LRRC3B: variants seen among roughly 807,000 people sequenced by gnomAD.
LRRC3B encodes leucine-rich repeat-containing protein 3B.
A neutral mutation model predicts 12.8 loss-of-function variants in LRRC3B; 2 were observed. The ratio of observed to expected loss-of-function variants is 0.16; its 90% confidence interval spans 0.06 to 0.49. The LOEUF is 0.49. LRRC3B is among the 20% of genes least tolerant of loss of function. The pLI is 0.96. For synonymous variants in LRRC3B, 132 were observed against 122.0 expected (o/e 1.08, Z -0.54); for missense variants, 189 against 319.4 (o/e 0.59, Z 3.11).
chr3:26,643,834 G>C (rs1052147221), intron 1 of LRRC3B, among the ~76,000 whole-genome samples: 2 of 152,100 alleles, frequency 1.3e-5, no homozygotes, highest in African/African-American at 4.8e-5. Context: ...TTTGGATATG[G>C]TCCCCAGTTT....
At chr3:26,657,762 TTGTC>T (rs527519946) in intron 1 of LRRC3B, among the ~76,000 whole-genome samples, 34 of 152,190 alleles carry the variant, frequency 2.2e-4, no homozygotes, top group Non-Finnish European at 4.6e-4. Flanking sequence ...AGAGGGATGA[TTGTC>T]TGGCTTGGCT....
intron 1 of LRRC3B, among the ~76,000 whole-genome samples, chr3:26,692,696 A>C (rs1399949937): frequency 4.6e-5 from 7 of 152,264 alleles, no homozygotes; most frequent in East Asian, 1.9e-4. Flanking sequence ...TGATAAAAAC[A>C]TAAATATAAA....
chr3:26,705,105 A>G (rs1479560185), intron 1 of LRRC3B, among the ~76,000 whole-genome samples: 1 of 152,072 alleles, frequency 6.6e-6, no homozygotes, highest in Non-Finnish European at 1.5e-5. Flanking sequence ...AAAGAAAGAA[A>G]TAAGCAGAAA....
chr3:26,651,506 C>T (rs997427579), intron 1 of LRRC3B, among the ~76,000 whole-genome samples: 2 of 152,138 alleles, frequency 1.3e-5, no homozygotes, highest in African/African-American at 4.8e-5. Flanking sequence ...CTCTAAGTTT[C>T]ATGTGGTCAG....
At chr3:26,647,261 C>T (rs558654674) in intron 1 of LRRC3B, among the ~76,000 whole-genome samples, 9 of 152,228 alleles carry the variant, frequency 5.9e-5, no homozygotes, top group South Asian at 2.1e-4. Flanking sequence ...TTCTTCATGG[C>T]GTTTCTCACT....
At chr3:26,700,212 T>G (rs925049255) in intron 1 of LRRC3B, among the ~76,000 whole-genome samples, 2 of 152,100 alleles carry the variant, frequency 1.3e-5, no homozygotes, top group Non-Finnish European at 2.9e-5. Context: ...TATATCAGAG[T>G]GGCCTTTAAG....
At chr3:26,652,630 GTC>G (rs1699288366) in intron 1 of LRRC3B, among the ~76,000 whole-genome samples, 2 of 152,102 alleles carry the variant, frequency 1.3e-5, no homozygotes, top group Non-Finnish European at 2.9e-5. Context: ...TACTAAGTAT[GTC>G]TCTGCAAAGG....
At chr3:26,645,349 A>G (rs956117810) in intron 1 of LRRC3B, among the ~76,000 whole-genome samples, 6 of 152,134 alleles carry the variant, frequency 3.9e-5, no homozygotes, top group Non-Finnish European at 8.8e-5. Context: ...CAAAGTAACT[A>G]TGAGACATAA....
chr3:26,666,967 C>T (rs183677141), intron 1 of LRRC3B, among the ~76,000 whole-genome samples: 17 of 152,120 alleles, frequency 1.1e-4, no homozygotes, highest in Middle Eastern at 3.4e-3. Flanking sequence ...CTAAAAAGAG[C>T]GGTATTACTA....
intron 1 of LRRC3B, among the ~76,000 whole-genome samples, chr3:26,645,501 C>T (rs1699123539): frequency 6.6e-6 from 1 of 152,190 alleles, no homozygotes; most frequent in East Asian, 1.9e-4. Flanking sequence ...TCAAACAATA[C>T]TATTACACAA....
At chr3:26,638,643 C>T (rs1048960228) in intron 1 of LRRC3B, among the ~76,000 whole-genome samples, 1 of 151,782 alleles carries the variant, frequency 6.6e-6, no homozygotes, top group Non-Finnish European at 1.5e-5. Flanking sequence ...ACAAACATGC[C>T]ATAGTTCAAC....
chr3:26,695,148 G>A (rs193286634), intron 1 of LRRC3B, among the ~76,000 whole-genome samples: 1 of 152,030 alleles, frequency 6.6e-6, no homozygotes, highest in Admixed American at 6.6e-5. Flanking sequence ...ATCAGAATTT[G>A]CAGATTGCTT....
chr3:26,675,942 AT>A (rs925116681), intron 1 of LRRC3B, among the ~76,000 whole-genome samples: 19 of 146,738 alleles, frequency 1.3e-4, no homozygotes, highest in Non-Finnish European at 2.3e-4. Flanking sequence ...CATTCATTTC[AT>A]TTTTTTTATA....
intron 1 of LRRC3B, among the ~76,000 whole-genome samples, chr3:26,637,498 G>T (rs1177674991): frequency 2.0e-5 from 3 of 152,116 alleles, no homozygotes; most frequent in African/African-American, 4.8e-5. Flanking sequence ...CAATGAAGAG[G>T]TCTTCTTTCC....
intron 1 of LRRC3B, among the ~76,000 whole-genome samples, chr3:26,652,974 C>T (rs6551123): frequency 0.43 from 64,908 of 151,568 alleles, 16,276 homozygotes; most frequent in African/African-American, 0.7. Context: ...CTGGAGATAA[C>T]TGTCATTTCC....
chr3:26,709,215 G>A (rs1700685639), intron 1 of LRRC3B, among the ~76,000 whole-genome samples: 1 of 152,088 alleles, frequency 6.6e-6, no homozygotes, highest in Admixed American at 6.5e-5. Flanking sequence ...AATTCGAAGG[G>A]GTCCAGGATG....
chr3:26,636,278 C>T (rs544393787), intron 1 of LRRC3B, among the ~76,000 whole-genome samples: 1 of 152,080 alleles, frequency 6.6e-6, no homozygotes, highest in Non-Finnish European at 1.5e-5. Flanking sequence ...TTCTAAGGTG[C>T]CTTTTAATTT....
intron 1 of LRRC3B, among the ~76,000 whole-genome samples, chr3:26,642,545 C>G (rs575967686): frequency 6.6e-6 from 1 of 152,104 alleles, no homozygotes; most frequent in Non-Finnish European, 1.5e-5. Flanking sequence ...ATGACTTGGC[C>G]AAATGAATAG....
chr3:26,663,716 C>T (rs551362720), intron 1 of LRRC3B, among the ~76,000 whole-genome samples: 1 of 152,224 alleles, frequency 6.6e-6, no homozygotes, highest in East Asian at 1.9e-4. Context: ...ATGGTTATGA[C>T]TAAGTTAATT....
Sources: gnomAD v4.1 joint callset for allele counts (sites outside exome capture counted in the v4.1 genomes callset) on GRCh38, gnomAD v4.1.1 for gene constraint, MANE v1.5 for transcripts, NCBI Gene and HGNC (gene_info 2026-07-23, HGNC 2026-07-21) for gene names.